Variants in PCDHA5 observed in about 807,000 individuals in gnomAD.
PCDHA5 encodes protocadherin alpha-5.
Under a neutral mutation model 61.6 loss-of-function variants are expected in PCDHA5, and 43 were observed. The observed-to-expected ratio is 0.70, with a 90% CI of 0.55 to 0.90. The LOEUF (loss-of-function observed/expected upper bound fraction) is 0.90. Ranked by LOEUF, PCDHA5 falls within the 40% of genes least tolerant of loss-of-function variation. The probability of loss-of-function intolerance (pLI) is 0.00; values close to 1 mark genes in which losing one functional copy is unlikely to be tolerated. For synonymous variants in PCDHA5, 627 were observed against 543.9 expected, an observed-to-expected ratio of 1.15 and a Z score of -2.13; for missense variants, 1,298 against 1,222.7, an observed-to-expected ratio of 1.06 and a Z score of -0.92.
intron 1 of PCDHA5, chr5:140,857,235 T>C: frequency 6.3e-7 from 1 of 1,598,634 alleles, no homozygotes; most frequent in Non-Finnish European, 8.6e-7. Context: ...CCGTTCAAGC[T>C]GGTGTCCACC....
chr5:140,876,699 G>T (rs782209543), intron 1 of PCDHA5: 1 of 1,614,228 alleles, frequency 6.2e-7, no homozygotes. Context: ...CGTTGGTGCT[G>T]GACAGCGCCC....
chr5:141,006,425 G>A (rs1483231288), intron 3 of PCDHA5, among the ~76,000 whole-genome samples: 2 of 152,080 alleles, frequency 1.3e-5, no homozygotes, highest in African/African-American at 4.8e-5. Context: ...GTGTTAGCCA[G>A]GATGGTCTCA....
At chr5:140,937,739 C>T (rs1563162684) in intron 1 of PCDHA5, among the ~76,000 whole-genome samples, 1 of 151,716 alleles carries the variant, frequency 6.6e-6, no homozygotes, top group African/African-American at 2.4e-5. Context: ...GGTGAAACCC[C>T]GTCTCTACTA....
At chr5:140,918,007 G>C (rs1313004826) in intron 1 of PCDHA5, among the ~76,000 whole-genome samples, 1 of 151,954 alleles carries the variant, frequency 6.6e-6, no homozygotes, top group Non-Finnish European at 1.5e-5. Context: ...TAACAATGTT[G>C]TTTCTTCCTA....
intron 1 of PCDHA5, among the ~76,000 whole-genome samples, chr5:140,916,285 G>A (rs530335868): frequency 1.2e-4 from 18 of 152,154 alleles, no homozygotes; most frequent in Non-Finnish European, 2.4e-4. Flanking sequence ...TCTACTCCAC[G>A]TGGCCAAACT....
At chr5:140,925,108 G>GGAAGGAA (rs1554202548) in intron 1 of PCDHA5, among the ~76,000 whole-genome samples, 42 of 124,700 alleles carry the variant, frequency 3.4e-4, no homozygotes, top group African/African-American at 1.4e-3. Context: ...GAAGGAAGGA[G>GGAAGGAA]GGAAGGAAGG....
intron 1 of PCDHA5, chr5:140,848,942 C>A (rs1417497577): frequency 6.2e-7 from 1 of 1,607,226 alleles, no homozygotes; most frequent in African/African-American, 1.4e-5. Flanking sequence ...GGCCGCTTGA[C>A]TCTCGGTTTC....
chr5:140,898,330 G>A (rs536378486), intron 1 of PCDHA5, among the ~76,000 whole-genome samples: 29 of 152,102 alleles, frequency 1.9e-4, no homozygotes, highest in African/African-American at 6.0e-4. Flanking sequence ...TGGGTCTAAC[G>A]TTTAAGTCTT....
Position 140,823,637 on chromosome 5 carries a change from T to A in PCDHA5, c.1862T>A (p.Phe621Tyr), listed in dbSNP as rs17844297. 6.2e-7 allele frequency: 1 copy of A among 1,613,892 alleles called. No homozygotes were observed. Among genetic ancestry groups the A allele is most frequent in the East Asian group, 2.2e-5 (1 of 44,864 alleles). ...QPAPGSARIP[F>Y]RVGLYTGEIS... ...GCGCCTGGCAGTGCGCGCATCCCGT[T>A]CCGCGTGGGGCTGTACACAGGCGAG... The change falls in exon 1 of 4, where the codon TTC (phenylalanine) becomes TAC (tyrosine). Residue 621 changes from phenylalanine to tyrosine, a missense_variant. By Grantham distance (22) the Phe-to-Tyr change is conservative. Transcript: ENST00000529859.
At chr5:141,003,762 G>A (rs1295345972) in intron 3 of PCDHA5, among the ~76,000 whole-genome samples, 1 of 152,146 alleles carries the variant, frequency 6.6e-6, no homozygotes, top group East Asian at 1.9e-4. Flanking sequence ...AATTATGGTC[G>A]TATTCTGTTA....
chr5:140,928,854 G>A (rs2085594573), intron 1 of PCDHA5: 1 of 1,614,178 alleles, frequency 6.2e-7, no homozygotes, highest in Non-Finnish European at 8.5e-7. Context: ...CTCTGGGTGT[G>A]CTGTTGAGCA....
intron 1 of PCDHA5, among the ~76,000 whole-genome samples, chr5:140,952,513 A>G (rs533436826): frequency 6.6e-6 from 1 of 152,028 alleles, no homozygotes; most frequent in Non-Finnish European, 1.5e-5. Flanking sequence ...CCTCATCTCC[A>G]TCTGAGACCT....
intron 1 of PCDHA5, among the ~76,000 whole-genome samples, chr5:140,958,381 T>G (rs1554223451): frequency 6.6e-6 from 1 of 152,280 alleles, no homozygotes; most frequent in South Asian, 2.1e-4. Context: ...GCTATTTTCT[T>G]AACAGGTCAT....
intron 1 of PCDHA5, chr5:140,883,143 C>A (rs782699546): frequency 1.2e-6 from 2 of 1,614,042 alleles, no homozygotes; most frequent in South Asian, 1.1e-5. Context: ...GTGGTATATG[C>A]ATTTACCATA....
chr5:140,896,635 C>T (rs539969970), intron 1 of PCDHA5, among the ~76,000 whole-genome samples: 4 of 152,178 alleles, frequency 2.6e-5, no homozygotes, highest in South Asian at 4.1e-4. Context: ...CCTTGGCCTC[C>T]CAAAGTGCTA....
chr5:140,828,269 G>T (rs2150153338), intron 1 of PCDHA5: 1 of 1,614,058 alleles, frequency 6.2e-7, no homozygotes, highest in Admixed American at 1.7e-5. Context: ...GGCGGAGCTG[G>T]TGCCGCGCCT....
intron 1 of PCDHA5, chr5:140,856,811 G>A: frequency 3.8e-6 from 6 of 1,594,886 alleles, no homozygotes; most frequent in Non-Finnish European, 5.2e-6. Flanking sequence ...TGAAAATCAA[G>A]TGAACCAAAC....
intron 1 of PCDHA5, among the ~76,000 whole-genome samples, chr5:140,885,773 G>T (rs1419137937): frequency 6.6e-6 from 1 of 152,016 alleles, no homozygotes; most frequent in African/African-American, 2.4e-5. Flanking sequence ...TATAGTATTA[G>T]TGAATTTGAG....
At chr5:140,834,867 A>G (rs2150228348) in intron 1 of PCDHA5, 9 of 1,609,692 alleles carry the variant, frequency 5.6e-6, no homozygotes, top group Non-Finnish European at 7.6e-6. Flanking sequence ...CGATGCAGAT[A>G]TCGGGGAGAA....
Sources: allele counts gnomAD v4.1 joint callset (sites outside exome capture counted in the v4.1 genomes callset), GRCh38; gene constraint gnomAD v4.1.1; transcripts MANE v1.5; gene names NCBI Gene and HGNC (gene_info 2026-07-23, HGNC 2026-07-21).